The following FADS1 variants were observed in gnomAD, a reference collection of about 807,000 sequenced individuals.
The protein encoded by FADS1 is acyl-CoA (8-3)-desaturase.
In FADS1, 17 loss-of-function variants were observed where a neutral mutation model predicts 61.6. The ratio of observed to expected loss-of-function variants is 0.28; its 90% CI spans 0.19 to 0.41. The LOEUF (loss-of-function observed/expected upper bound fraction) is 0.41. Among genes scored for constraint, FADS1 ranks in the 10% least tolerant of loss-of-function variants. FADS1 has a pLI of 1.00. For missense variants in FADS1, 387 were observed against 650.9 expected (o/e 0.59, Z 4.41); for synonymous variants, 238 against 258.7 (o/e 0.92, Z 0.77).
rs751206996 is a variant in FADS1 at position 61,802,424 on chromosome 11, T to A, written c.1493A>T (p.Tyr498Phe). Residue 498 changes from tyrosine (Y) to phenylalanine (F), a missense_variant, in exon 12 of 12, where the codon TAT becomes TTT. By Grantham distance (22) the Tyr-to-Phe change is conservative. Transcript: ENST00000350997. This position sits in a 1 kb window ranked among gnomAD's most constrained non-coding sequence, Gnocchi z 4.2. The part of the protein sequence containing the change: ...KESGQLWLDA[Y>F]LHQ ...GGGTGGCTGTTGTTATTGGTGAAGA[T>A]AGGCATCTAGCCAGAGCTGCCCTGA... 4.5e-6 allele frequency: 7 copies of A among 1,568,444 alleles called. No individual in the cohort carries two copies. Among genetic ancestry groups the A allele is most frequent in the Non-Finnish European group, 6.1e-6 (7 of 1,155,418 alleles).
At position 61,816,410 on chromosome 11, in the gene FADS1, C is replaced by G; in HGVS notation, c.375+145G>C. 6.3e-7 allele frequency: 1 copy of G among 1,598,670 alleles called. No homozygotes were observed. The highest frequency in any genetic ancestry group is 8.5e-7 in the Non-Finnish European group (1 of 1,179,806). On this transcript the variant is annotated intron_variant, in intron 1 of 11. Transcript: ENST00000350997. The surrounding 1 kb of genome is among the most constrained non-coding windows in gnomAD (Gnocchi z 7.0). ...TTTCATCCCGCATCCGCAGGACACC[C>G]AATCACCGGGCAACAGGTATGATCA...
Position 61,816,965 on chromosome 11 carries a change from T to TC in FADS1, c.-37dup. 7.3e-7 allele frequency: 1 copy of TC among 1,370,698 alleles called. No individual in the cohort carries two copies. Among genetic ancestry groups the TC allele is most frequent in the Non-Finnish European group, 9.3e-7 (1 of 1,070,038 alleles). The allele number at this position is 1,370,698 out of a possible 1,614,324, so 84.9% of individuals were successfully genotyped here. On this transcript the variant is annotated 5_prime_UTR_variant, in exon 1 of 12. Coordinates refer to ENST00000350997, the MANE Select transcript of FADS1 (RefSeq NM_013402.7). The surrounding 1 kb of genome is among the most constrained non-coding windows in gnomAD (Gnocchi z 7.0). ...TCGTGGCGCGGGGAGCGAGATCCCG[T>TC]CCCCCGGTGGGTCTTGGGCAACTCA...
chr11:61,813,139 G>T, intron 2 of FADS1, 104 bp downstream of exon 2: 1 of 785,932 alleles, frequency 1.3e-6, no homozygotes, highest in South Asian at 1.4e-5. Context: ...AGCTACTACT[G>T]ACTGTGATTA....
Position 61,810,966 on chromosome 11 carries a change from C to T in FADS1, c.786+8G>A. On this transcript the variant is annotated splice_region_variant and intron_variant, in intron 4 of 11. Coordinates refer to ENST00000350997, the MANE Select transcript of FADS1 (RefSeq NM_013402.7). Reference sequence around the variant, plus strand: ...GAGTTTTAGAGAGCTCCTCCCCATCCCACTGACCTTCAGGTGGCCAATCAC... The same window carrying T: ...GAGTTTTAGAGAGCTCCTCCCCATCTCACTGACCTTCAGGTGGCCAATCAC... 1 of 1,614,102 alleles carries T rather than the reference C, an allele frequency of 6.2e-7. No homozygotes were observed. Among genetic ancestry groups the T allele is most frequent in the Non-Finnish European group, 8.5e-7 (1 of 1,179,940 alleles).
Position 61,805,165 on chromosome 11 carries a change from C to T in FADS1, c.977-404G>A, listed in dbSNP as rs191846615. On this transcript the variant is annotated intron_variant, in intron 6 of 11. Coordinates refer to ENST00000350997, the MANE Select transcript of FADS1 (RefSeq NM_013402.7). The stretch of plus-strand genomic sequence containing the variant: ...AAGGGTGCTAATACTCTCTTACTTA[C>T]CTTGGCCACAGCCCTGTCCCTACAG... The T allele has an allele frequency of 5.3e-4, 144 of 273,848 alleles. 2 individuals carry two copies. The East Asian group carries it at 8.5e-3, about 16-fold the overall frequency. The allele number at this position is 273,848 out of a possible 1,614,324, so 17.0% of individuals were successfully genotyped here. A position where few individuals can be genotyped will look rare whatever the true frequency, so the allele number is the denominator to read the frequency against.
chr11:61,808,634 G>A (rs772879994), intron 5 of FADS1, among the ~76,000 whole-genome samples: 3 of 152,234 alleles, frequency 2.0e-5, no homozygotes, highest in Non-Finnish European at 1.5e-5. Flanking sequence ...ATTCAAGGAG[G>A]AAGCAATGGA....
At chr11:61,806,342 C>A in intron 6 of FADS1, 1 of 270,324 alleles carries the variant, frequency 3.7e-6, no homozygotes, top group Non-Finnish European at 7.2e-6. Context: ...GAGCAAGACT[C>A]CGTCTCAAAA....
chr11:61,812,007 C>A, intron 3 of FADS1: 1 of 336,568 alleles, frequency 3.0e-6, no homozygotes. Flanking sequence ...GTCACCACAC[C>A]TGGCCTGAAG....
At position 61,803,057 on chromosome 11, in the gene FADS1, G is replaced by A. The variant is rs1294845101; in HGVS notation, c.1303C>T (p.His435Tyr). The change falls in exon 10 of 12, where the codon CAC becomes TAC. Residue 435 changes from histidine (H) to tyrosine (Y), a missense_variant. Coordinates refer to ENST00000350997, the MANE Select transcript of FADS1 (RefSeq NM_013402.7). The surrounding 1 kb of genome is among the most constrained non-coding windows in gnomAD (Gnocchi z 4.3). The stretch of plus-strand genomic sequence containing the variant: ...TGGTGCTCAATCTGGAAGTTGAGGT[G>A]TCCACTGAACCAGTCATTGAAGGCA... ...KSAFNDWFSG[H>Y]LNFQIEHHLF... 6.2e-7 allele frequency: 1 copy of A among 1,614,064 alleles called. No homozygotes were observed. The highest frequency in any genetic ancestry group is 8.5e-7 in the Non-Finnish European group (1 of 1,180,038).
intron 7 of FADS1, 28 bp downstream of exon 7, chr11:61,804,657 G>A (rs2066881134): frequency 1.3e-6 from 2 of 1,597,320 alleles, no homozygotes; most frequent in African/African-American, 1.3e-5. Flanking sequence ...AGACAAGGAT[G>A]TGGGCTTCTT....
intron 5 of FADS1, among the ~76,000 whole-genome samples, chr11:61,808,269 G>C (rs1042660147): frequency 6.6e-6 from 1 of 151,958 alleles, no homozygotes; most frequent in African/African-American, 2.4e-5. Context: ...TCGGGAGGCG[G>C]AGGTTGTAGT....
In FADS1 at chr11:61,803,010, C is replaced by T; in HGVS notation, c.1328+22G>A. The T allele has an allele frequency of 6.2e-7, 1 of 1,613,942 alleles. No homozygotes were observed. The highest frequency in any genetic ancestry group is 8.5e-7 in the Non-Finnish European group (1 of 1,179,806). Reference sequence around the variant, plus strand: ...CACTTACACCCTCCCCAGGACCCTGCTTCCCCAGGCTCCCTACTCACTGGT... The same window carrying T: ...CACTTACACCCTCCCCAGGACCCTGTTTCCCCAGGCTCCCTACTCACTGGT... On this transcript the variant is annotated intron_variant, in intron 10 of 11. Coordinates refer to ENST00000350997, the MANE Select transcript of FADS1 (RefSeq NM_013402.7). This position sits in a 1 kb window ranked among gnomAD's most constrained non-coding sequence, Gnocchi z 4.3.
At chr11:61,811,797 C>A in intron 3 of FADS1, 1 of 402,612 alleles carries the variant, frequency 2.5e-6, no homozygotes, top group Non-Finnish European at 5.0e-6. Flanking sequence ...CCATGTTGGC[C>A]AGGTGGTCTT....
At chr11:61,814,812 G>A (rs1035620843) in intron 1 of FADS1, 2 of 152,214 alleles carry the variant, frequency 1.3e-5, no homozygotes, top group Non-Finnish European at 2.9e-5. Flanking sequence ...ATACAGAAAA[G>A]TTCTCTAGGT....
At position 61,802,103 on chromosome 11, in the gene FADS1, C is replaced by T. The variant is rs541393569; in HGVS notation, c.*308G>A. The stretch of plus-strand genomic sequence containing the variant: ...ACTCTGGGTTCAGTAGGTCCCTCCT[C>T]TTCTGTTACCCTCCTGGTTCTCTCT... On this transcript the variant is annotated 3_prime_UTR_variant, in exon 12 of 12. Coordinates refer to ENST00000350997, the MANE Select transcript of FADS1 (RefSeq NM_013402.7). This position sits in a 1 kb window ranked among gnomAD's most constrained non-coding sequence, Gnocchi z 4.2. The T allele has an allele frequency of 5.7e-6, 2 of 353,318 alleles. No homozygotes were observed. Among genetic ancestry groups the T allele is most frequent in the East Asian group, 1.1e-4 (2 of 17,514 alleles). 21.9% of individuals were successfully genotyped at this position (353,318 alleles called of 1,614,324 possible).
chr11:61,816,505 C>T lies in FADS1; in HGVS notation c.375+50G>A. ...AGTGCGTAACTCTGTCTCCCCTGCA[C>T]TCAGCCTCCGGTCCCGCCCTCTCCT... On this transcript the variant is annotated intron_variant, in intron 1 of 11. Transcript: ENST00000350997. This position sits in a 1 kb window ranked among gnomAD's most constrained non-coding sequence, Gnocchi z 7.0. The T allele has an allele frequency of 6.3e-7, 1 of 1,599,470 alleles. No individual in the cohort carries two copies. The highest frequency in any genetic ancestry group is 8.5e-7 in the Non-Finnish European group (1 of 1,176,204).
Position 61,804,924 on chromosome 11 carries a change from G to T in FADS1, c.977-163C>A, listed in dbSNP as rs2066883030. On this transcript the variant is annotated intron_variant, in intron 6 of 11. Transcript: ENST00000350997. ...AGTGCTCTGCAATCCACTGGAACCA[G>T]CAGGCACTGAAGGTGGGCATAAATC... 2.9e-5 allele frequency: 18 copies of T among 627,430 alleles called. No homozygotes were observed. The East Asian group carries it at 5.0e-4, about 18-fold the overall frequency. The allele number at this position is 627,430 out of a possible 1,614,324, so 38.9% of individuals were successfully genotyped here. A position where few individuals can be genotyped will look rare whatever the true frequency, so the allele number is the denominator to read the frequency against.
chr11:61,804,565 T>G (rs568560699), intron 7 of FADS1, 120 bp downstream of exon 7: 1 of 746,098 alleles, frequency 1.3e-6, no homozygotes, highest in African/African-American at 1.8e-5. Flanking sequence ...TGTGTCTGGT[T>G]CTATTATTTT....
chr11:61,806,686 G>A lies in FADS1; in HGVS notation c.954C>T (p.His318=), dbSNP rs936727332. Residue 318 remains histidine (H), a synonymous_variant, in exon 6 of 12, where the codon CAC becomes CAT. Transcript: ENST00000350997. ...KQKKKYMPYN[H]QHKYFFLIGP... ...CACTTAGGAAGAAGTATTTGTGCTG[G>A]TGGTTGTACGGCATATATTTTTTCT... is the stretch of plus-strand genomic sequence containing the variant. 1 of 1,614,008 alleles carries A rather than the reference G, an allele frequency of 6.2e-7. No homozygotes were observed. The highest frequency in any genetic ancestry group is 1.3e-5 in the African/African-American group (1 of 74,922).
Sources: allele counts gnomAD v4.1 joint callset (sites outside exome capture counted in the v4.1 genomes callset), GRCh38; gene constraint gnomAD v4.1.1; non-coding constraint Gnocchi (gnomAD v3.1); transcripts MANE v1.5; gene names NCBI Gene and HGNC (gene_info 2026-07-23, HGNC 2026-07-21).